AGER: variants seen among roughly 807,000 people sequenced by gnomAD.
AGER encodes advanced glycosylation end-product specific receptor.
A neutral mutation model predicts 48.8 loss-of-function variants in AGER; 46 were observed. The observed-to-expected ratio is 0.94, with a 90% CI of 0.74 to 1.20. The LOEUF (loss-of-function observed/expected upper bound fraction) is 1.20. AGER is among the 50% of genes most tolerant of loss of function. The pLI, the probability that AGER is intolerant of heterozygous loss-of-function variation, is 0.00. For missense variants in AGER, 489 were observed against 515.0 expected, an observed-to-expected ratio of 0.95 and a Z score of 0.49; for synonymous variants, 170 against 199.9, an observed-to-expected ratio of 0.85 and a Z score of 1.26.
chr6:32,182,474 C>A lies in AGER; in HGVS notation c.823-86G>T. 6.3e-7 allele frequency: 1 copy of A among 1,589,476 alleles called. No individual in the cohort carries two copies. On this transcript the variant is annotated intron_variant, in intron 7 of 10. Transcript: ENST00000375076. This position sits in a 1 kb window ranked among gnomAD's most constrained non-coding sequence, Gnocchi z 5.1. ...TCAGATACCCTCTCTTCCTCCTCAG[C>A]TCCTAGCCTGCCTTTCCCTCGTTAG... is the stretch of plus-strand genomic sequence containing the variant.
chr6:32,183,819 G>A (rs533154130), intron 2 of AGER, 62 bp downstream of exon 2: 1 of 1,611,750 alleles, frequency 6.2e-7, no homozygotes, highest in African/African-American at 1.3e-5. Context: ...CAGAGTGACG[G>A]GGATCCAAAT....
rs1582725950 is a variant in AGER, at chr6:32,184,200, C to G, written c.23G>C (p.Gly8Ala). 1.2e-6 allele frequency: 2 copies of G among 1,612,796 alleles called. No individual in the cohort carries two copies. Among genetic ancestry groups the G allele is most frequent in the Non-Finnish European group, 1.7e-6 (2 of 1,179,842 alleles). The change falls in exon 1 of 11, where the codon GGA (glycine) becomes GCA (alanine). Residue 8 changes from glycine (G) to alanine (A), a missense_variant. Physicochemically the swap from Gly to Ala is moderately conservative, Grantham distance 60 (BLOSUM62 0). Transcript: ENST00000375076. MAAGTAV[G>A]AWVLVLSLWG... ...CAGACTGAGGACCAGCACCCAGGCT[C>G]CAACTGCTGTTCCGGCAGCCATCCT...
rs770719664 is a variant in AGER at position 32,183,642 on chromosome 6, C to T, written c.268G>A (p.Gly90Arg). 40 of 1,612,932 alleles carry T rather than the reference C, an allele frequency of 2.5e-5. No homozygotes were observed. Among genetic ancestry groups the T allele is most frequent in the Middle Eastern group, 1.6e-4 (1 of 6,084 alleles). The change falls in exon 3 of 11, where the codon GGG (glycine) becomes AGG (arginine). Residue 90 changes from glycine to arginine, a missense_variant. Coordinates refer to ENST00000375076, the MANE Select transcript of AGER (RefSeq NM_001136.5). ...PNGSLFLPAVGIQDEGIFRCQ... is the reference protein window; with the variant it reads ...PNGSLFLPAVRIQDEGIFRCQ... ...CGGAAAATCCCCTCATCCTGGATCC[C>T]GACAGCCGGAAGGAAGAGGGAGCCG...
Position 32,183,131 on chromosome 6 carries a change from A to G in AGER, c.491T>C (p.Leu164Pro). ...TLSWHLDGKPLVPNEKGVSVK... is the reference protein window; with the variant it reads ...TLSWHLDGKPPVPNEKGVSVK... Reference sequence around the variant, plus strand: ...GGACTCACCCTTCTCATTAGGCACCAGGGGCTTCCCATCCAAGTGCCAGCT... The same window carrying G: ...GGACTCACCCTTCTCATTAGGCACCGGGGGCTTCCCATCCAAGTGCCAGCT... Residue 164 changes from leucine (L) to proline (P), a missense_variant, in exon 5 of 11, where the codon CTG becomes CCG. Leu to Pro is a moderately conservative substitution (Grantham distance 98, BLOSUM62 -3). Coordinates refer to ENST00000375076, the MANE Select transcript of AGER (RefSeq NM_001136.5). 1.2e-6 allele frequency: 2 copies of G among 1,613,092 alleles called. No individual in the cohort carries two copies. The highest frequency in any genetic ancestry group is 1.7e-6 in the Non-Finnish European group (2 of 1,180,024).
In AGER at chr6:32,183,215, G is replaced by A. The variant is rs757975750; in HGVS notation, c.421-14C>T. 11 of 1,612,726 alleles carry A rather than the reference G, an allele frequency of 6.8e-6. No homozygotes were observed. In the Admixed American group the frequency reaches 1.8e-4, roughly 27 times the overall value. On this transcript the variant is annotated splice_polypyrimidine_tract_variant and intron_variant, in intron 4 of 10. Coordinates refer to ENST00000375076, the MANE Select transcript of AGER (RefSeq NM_001136.5). ...ACATGTCCCCACCTGGGGAAAGAGT[G>A]GTGACCTCAGAATCCTTTGAAAATG...
At position 32,181,694 on chromosome 6, in the gene AGER, G is replaced by T; in HGVS notation, c.965-62C>A. On this transcript the variant is annotated intron_variant, in intron 8 of 10. Transcript: ENST00000375076. The surrounding 1 kb of genome is among the most constrained non-coding windows in gnomAD (Gnocchi z 4.1). Reference sequence around the variant, plus strand: ...CTTCGGGTTGAGAGAGGGTTATTTAGTGGGAGCCCCAGTGGAGTCTTTCCC... The same window carrying T: ...CTTCGGGTTGAGAGAGGGTTATTTATTGGGAGCCCCAGTGGAGTCTTTCCC... 1 of 1,532,694 alleles carries T rather than the reference G, an allele frequency of 6.5e-7. No individual in the cohort carries two copies. The highest frequency in any genetic ancestry group is 9.0e-7 in the Non-Finnish European group (1 of 1,116,400). 94.9% of individuals were successfully genotyped at this position (1,532,694 alleles called of 1,614,324 possible).
Position 32,183,043 on chromosome 6 carries a change from C to A in AGER, c.509-20G>T. 1 of 1,613,020 alleles carries A rather than the reference C, an allele frequency of 6.2e-7. No individual in the cohort carries two copies. The stretch of plus-strand genomic sequence containing the variant: ...ATACTCCTATGATGGGAGGATAAGA[C>A]AAATTATCCCAGGGTGGGTGTGGGA... On this transcript the variant is annotated intron_variant, in intron 5 of 10. Transcript: ENST00000375076.
chr6:32,183,532 G>C, intron 3 of AGER, 23 bp downstream of exon 3: 1 of 1,613,030 alleles, frequency 6.2e-7, no homozygotes, highest in Non-Finnish European at 8.5e-7. Context: ...GGGAGGCCTT[G>C]GAGAAGACCC....
Position 32,181,723 on chromosome 6 carries a change from CTTTT to C in AGER, c.965-95_965-92del. 9.6e-7 allele frequency: 1 copy of C among 1,037,562 alleles called. No homozygotes were observed. The highest frequency in any genetic ancestry group is 1.7e-5 in the South Asian group (1 of 57,606). 64.3% of individuals were successfully genotyped at this position (1,037,562 alleles called of 1,614,324 possible). A position where few individuals can be genotyped will look rare whatever the true frequency, so the allele number is the denominator to read the frequency against. On this transcript the variant is annotated intron_variant, in intron 8 of 10. Transcript: ENST00000375076. The surrounding 1 kb of genome is among the most constrained non-coding windows in gnomAD (Gnocchi z 4.1). ...GAGCCCCAGTGGAGTCTTTCCCTTT[CTTTT>C]TTTTTTTGAGATGGAGTTTCACTTT...
Position 32,182,869 on chromosome 6 carries a change from G to A in AGER, c.663C>T (p.Arg221=), listed in dbSNP as rs757885013. ...AGACACGGGGCTGGATGGGGGCTGT[G>A]CGCAAGGCCCGGTGTCGGGGAAGGC... ...SPGLPRHRAL[R]TAPIQPRVWE... Residue 221 remains arginine, a synonymous_variant, in exon 6 of 11, where the codon CGC becomes CGT. Coordinates refer to ENST00000375076, the MANE Select transcript of AGER (RefSeq NM_001136.5). This position sits in a 1 kb window ranked among gnomAD's most constrained non-coding sequence, Gnocchi z 5.1. The A allele has an allele frequency of 2.5e-6, 4 of 1,611,570 alleles. No homozygotes were observed. The highest frequency in any genetic ancestry group is 1.3e-5 in the African/African-American group (1 of 74,920).
intron 1 of AGER, 87 bp from the exon 2 acceptor site, chr6:32,184,074 A>G: frequency 6.2e-7 from 1 of 1,607,608 alleles, no homozygotes. Context: ...CTTGAAAGGC[A>G]CTTCCTCGGG....
Position 32,182,927 on chromosome 6 carries a change from G to A in AGER, c.605C>T (p.Pro202Leu). The change falls in exon 6 of 11, where the codon CCC becomes CTC. Residue 202 changes from proline to leucine, a missense_variant. Coordinates refer to ENST00000375076, the MANE Select transcript of AGER (RefSeq NM_001136.5). This position sits in a 1 kb window ranked among gnomAD's most constrained non-coding sequence, Gnocchi z 5.1. ...GAAGCTACAGGAGAAGGTGGGACGG[G>A]GATCTCCTCCCCGGGCTGGGGTCAC... ...LMVTPARGGDPRPTFSCSFSP... is the reference protein window; with the variant it reads ...LMVTPARGGDLRPTFSCSFSP... 6.2e-7 allele frequency: 1 copy of A among 1,612,182 alleles called. No homozygotes were observed. The highest frequency in any genetic ancestry group is 2.2e-5 in the East Asian group (1 of 44,880).
rs762348263 is a variant in AGER, at chr6:32,182,952, C to G, written c.580G>C (p.Val194Leu). 6.2e-7 allele frequency: 1 copy of G among 1,612,732 alleles called. No individual in the cohort carries two copies. Among genetic ancestry groups the G allele is most frequent in the Admixed American group, 1.7e-5 (1 of 59,954 alleles). Reference protein sequence around the residue: ...GLFTLQSELMVTPARGGDPRP... With the variant: ...GLFTLQSELMLTPARGGDPRP... ...GGATCTCCTCCCCGGGCTGGGGTCA[C>G]CATTAGCTCCGACTGCAGTGTGAAG... Residue 194 changes from valine to leucine, a missense_variant, in exon 6 of 11, where the codon GTG becomes CTG. Transcript: ENST00000375076. This position sits in a 1 kb window ranked among gnomAD's most constrained non-coding sequence, Gnocchi z 5.1.
At chr6:32,184,138 G>A in intron 1 of AGER, 33 bp downstream of exon 1, 1 of 1,607,458 alleles carries the variant, frequency 6.2e-7, no homozygotes, top group Non-Finnish European at 8.5e-7. Flanking sequence ...GCTTTCTGCA[G>A]GGAGGGTCAG....
Position 32,184,203 on chromosome 6 carries a change from A to G in AGER, c.20T>C (p.Val7Ala). Residue 7 changes from valine (V) to alanine (A), a missense_variant, in exon 1 of 11, where the codon GTT becomes GCT. By Grantham distance (64) the Val-to-Ala change is moderately conservative (BLOSUM62 0). Transcript: ENST00000375076. The part of the protein sequence containing the change: MAAGTA[V>A]GAWVLVLSLW... ...ACTGAGGACCAGCACCCAGGCTCCA[A>G]CTGCTGTTCCGGCAGCCATCCTGCT... 6.2e-7 allele frequency: 1 copy of G among 1,612,820 alleles called. No individual in the cohort carries two copies. The highest frequency in any genetic ancestry group is 8.5e-7 in the Non-Finnish European group (1 of 1,179,846).
In AGER at chr6:32,182,722, G is replaced by A; in HGVS notation, c.692-24C>T. 2 of 1,613,100 alleles carry A rather than the reference G, an allele frequency of 1.2e-6. No homozygotes were observed. Among genetic ancestry groups the A allele is most frequent in the Non-Finnish European group, 8.5e-7 (1 of 1,180,040 alleles). ...CTCTGGGAGTTGGAAGGGTTTTGAG[G>A]TGGAGAGTTACACTTGTGAGTGATC... is the stretch of plus-strand genomic sequence containing the variant. On this transcript the variant is annotated intron_variant, in intron 6 of 10. Transcript: ENST00000375076. This position sits in a 1 kb window ranked among gnomAD's most constrained non-coding sequence, Gnocchi z 5.1.
intron 2 of AGER, 59 bp from the exon 3 acceptor site, chr6:32,183,809 C>T: frequency 6.2e-7 from 1 of 1,611,470 alleles, no homozygotes; most frequent in Non-Finnish European, 8.5e-7. Flanking sequence ...GACTGTGAGG[C>T]AGAGTGACGG....
Position 32,182,934 on chromosome 6 carries a change from C to T in AGER, c.598G>A (p.Gly200Arg). 1.2e-6 allele frequency: 2 copies of T among 1,612,264 alleles called. No homozygotes were observed. The highest frequency in any genetic ancestry group is 1.7e-6 in the Non-Finnish European group (2 of 1,179,640). ...CAGGAGAAGGTGGGACGGGGATCTC[C>T]TCCCCGGGCTGGGGTCACCATTAGC... The part of the protein sequence containing the change: ...SELMVTPARG[G>R]DPRPTFSCSF... The change falls in exon 6 of 11, where the codon GGA (glycine) becomes AGA (arginine). Residue 200 changes from glycine to arginine, a missense_variant. Physicochemically the swap from Gly to Arg is moderately radical, Grantham distance 125 (BLOSUM62 -2). Coordinates refer to ENST00000375076, the MANE Select transcript of AGER (RefSeq NM_001136.5). This position sits in a 1 kb window ranked among gnomAD's most constrained non-coding sequence, Gnocchi z 5.1.
rs768238843 is a variant in AGER at position 32,183,482 on chromosome 6, T to A, written c.355+73A>T. ...GGCCAGTGGAAGTCAGAGGCCCTCA[T>A]GGGCCAAGGCTGGGGTTGAAGGCTT... On this transcript the variant is annotated intron_variant, in intron 3 of 10. Coordinates refer to ENST00000375076, the MANE Select transcript of AGER (RefSeq NM_001136.5). 3 of 1,607,368 alleles carry A rather than the reference T, an allele frequency of 1.9e-6. No homozygotes were observed. The East Asian group carries it at 6.7e-5, about 36-fold the overall frequency.
Sources: allele counts gnomAD v4.1 joint callset, GRCh38; gene constraint gnomAD v4.1.1; non-coding constraint Gnocchi (gnomAD v3.1); transcripts MANE v1.5; gene names NCBI Gene and HGNC (gene_info 2026-07-23, HGNC 2026-07-21).